The following RBFOX1 variants were observed in gnomAD, a reference collection of about 807,000 sequenced individuals.
The protein encoded by RBFOX1 is RNA binding protein fox-1 homolog 1.
In RBFOX1, 8 loss-of-function variants were observed where a neutral mutation model predicts 57.7. The ratio of observed to expected loss-of-function variants is 0.14; its 90% confidence interval spans 0.08 to 0.25. The LOEUF is 0.25. RBFOX1 is among the 10% of genes least tolerant of loss of function. The pLI, the probability that RBFOX1 is intolerant of heterozygous loss-of-function variation, is 1.00. For missense variants in RBFOX1, 611 were observed against 548.5 expected (o/e 1.11, Z -1.14); for synonymous variants, 326 against 222.4 (o/e 1.47, Z -4.15).
chr16:6,317,794 G>A (rs2081295032), intron 2 of RBFOX1, among the ~76,000 whole-genome samples: 1 of 151,930 alleles, frequency 6.6e-6, no homozygotes, highest in Non-Finnish European at 1.5e-5. Flanking sequence ...TAGTTTTATG[G>A]GTGAACAGCT....
chr16:5,879,279 G>A (rs775486950), intron 4 of RBFOX1, among the ~76,000 whole-genome samples: 18 of 152,204 alleles, frequency 1.2e-4, no homozygotes, highest in Non-Finnish European at 1.5e-5. Flanking sequence ...GGTTTCAGAT[G>A]GTAAGCAGAA....
intron 14 of RBFOX1, among the ~76,000 whole-genome samples, chr16:7,688,056 G>A (rs935991793): frequency 6.6e-6 from 1 of 151,982 alleles, no homozygotes; most frequent in African/African-American, 2.4e-5. Context: ...GGGCAGTCAG[G>A]GCTAAAAACC....
At chr16:6,530,158 G>T (rs1221596290) in intron 2 of RBFOX1, among the ~76,000 whole-genome samples, 2 of 152,164 alleles carry the variant, frequency 1.3e-5, no homozygotes, top group Non-Finnish European at 2.9e-5. Flanking sequence ...ATCTTAGAAT[G>T]AAGAGGGAGG....
intron 3 of RBFOX1, among the ~76,000 whole-genome samples, chr16:7,008,360 G>A (rs1312895736): frequency 6.6e-6 from 1 of 152,012 alleles, no homozygotes; most frequent in Non-Finnish European, 1.5e-5. Context: ...TGGCCAGTAT[G>A]ATGAAACCCT....
At chr16:7,516,023 T>G (rs943801547) in intron 4 of RBFOX1, among the ~76,000 whole-genome samples, 1 of 152,128 alleles carries the variant, frequency 6.6e-6, no homozygotes, top group African/African-American at 2.4e-5. Context: ...TTTTGTATTT[T>G]TAGTAGAGGC....
At chr16:7,001,861 C>G (rs918768929) in intron 3 of RBFOX1, among the ~76,000 whole-genome samples, 46 of 152,150 alleles carry the variant, frequency 3.0e-4, no homozygotes, top group African/African-American at 9.9e-4. Context: ...CAGCACTTGT[C>G]TCAACTTTTC....
chr16:7,212,025 C>T (rs558279564), intron 4 of RBFOX1, among the ~76,000 whole-genome samples: 9 of 152,202 alleles, frequency 5.9e-5, no homozygotes, highest in South Asian at 2.1e-4. Context: ...GGCTGAGTCA[C>T]GGTTTCTGGA....
intron 2 of RBFOX1, among the ~76,000 whole-genome samples, chr16:6,485,563 T>C (rs547980460): frequency 1.3e-5 from 2 of 152,342 alleles, no homozygotes; most frequent in East Asian, 3.9e-4. Context: ...TCAGGAATTC[T>C]CCGCTCACCT....
At position 5,440,919 on chromosome 16, in the gene RBFOX1, G is replaced by T. The variant is rs1275714316; in HGVS notation, c.220-26297G>T. 2.6e-5 allele frequency among the ~76,000 whole-genome samples: 4 copies of T among 152,160 alleles called. No homozygotes were observed. The East Asian group carries it at 7.7e-4, about 29-fold the overall frequency. On this transcript the variant is annotated intron_variant, in intron 1 of 2. Coordinates refer to the RBFOX1 transcript ENST00000585867. ...TGATTTTCGAAAGGTCACGCACCTGGTTAGAACTATGTTTTCCAGACTCAC... is the reference window on the plus strand; with the variant it reads ...TGATTTTCGAAAGGTCACGCACCTGTTTAGAACTATGTTTTCCAGACTCAC...
Position 6,191,818 on chromosome 16 carries a change from G to A in RBFOX1, c.-126-125177G>A, listed in dbSNP as rs1414176529. On this transcript the variant is annotated intron_variant, in intron 1 of 15. Coordinates refer to ENST00000550418, the MANE Select transcript of RBFOX1 (RefSeq NM_018723.4). ...GAGCTTTCCTTGGAATGCAGGTATC[G>A]AGACTTGATTTTCAGAATTTTGCAC... Among the ~76,000 whole-genome samples, 3 of 152,116 alleles carry A rather than the reference G, an allele frequency of 2.0e-5. 1 individual carries two copies. Among genetic ancestry groups the A allele is most frequent in the South Asian group, 4.1e-4 (2 of 4,822 alleles).
chr16:7,635,970 C>G (rs1447530682), intron 11 of RBFOX1, among the ~76,000 whole-genome samples: 1 of 152,132 alleles, frequency 6.6e-6, no homozygotes, highest in African/African-American at 2.4e-5. Context: ...GCCACCATGC[C>G]CGGCTAATTT....
At chr16:6,796,812 C>T (rs1156657025) in intron 3 of RBFOX1, among the ~76,000 whole-genome samples, 1 of 152,190 alleles carries the variant, frequency 6.6e-6, no homozygotes, top group African/African-American at 2.4e-5. Context: ...TAAATATCTA[C>T]ATTGTTTCTT....
At chr16:6,062,898 C>A (rs921537824) in intron 1 of RBFOX1, among the ~76,000 whole-genome samples, 1 of 152,088 alleles carries the variant, frequency 6.6e-6, no homozygotes, top group African/African-American at 2.4e-5. Context: ...TGTAGGCCAG[C>A]TGGCTGGAAA....
At chr16:7,256,645 C>A (rs192362440) in intron 4 of RBFOX1, among the ~76,000 whole-genome samples, 1 of 152,288 alleles carries the variant, frequency 6.6e-6, no homozygotes, top group East Asian at 1.9e-4. Context: ...AAATTTCTTA[C>A]CCTCTTGTAA....
intron 1 of RBFOX1, among the ~76,000 whole-genome samples, chr16:6,141,906 A>T (rs1431997251): frequency 6.6e-6 from 1 of 151,852 alleles, no homozygotes; most frequent in African/African-American, 2.4e-5. Context: ...TAAAAATATA[A>T]AAATTAGCCA....
chr16:7,226,975 G>A (rs563419930), intron 4 of RBFOX1, among the ~76,000 whole-genome samples: 2 of 152,202 alleles, frequency 1.3e-5, no homozygotes, highest in Non-Finnish European at 2.9e-5. Flanking sequence ...TGAATTTCTG[G>A]CTTGTCTTCA....
chr16:6,738,940 T>C (rs2071245662), intron 3 of RBFOX1, among the ~76,000 whole-genome samples: 1 of 152,166 alleles, frequency 6.6e-6, no homozygotes, highest in African/African-American at 2.4e-5. Flanking sequence ...TTGAACTTAA[T>C]GAAAATAAAC....
intron 6 of RBFOX1, among the ~76,000 whole-genome samples, chr16:7,581,790 C>T (rs958932545): frequency 6.6e-6 from 1 of 152,220 alleles, no homozygotes; most frequent in African/African-American, 2.4e-5. Flanking sequence ...GATCACGGCT[C>T]ACTGCAAATT....
intron 4 of RBFOX1, among the ~76,000 whole-genome samples, chr16:7,383,135 G>C (rs1241126046): frequency 6.6e-6 from 1 of 151,994 alleles, no homozygotes; most frequent in Non-Finnish European, 1.5e-5. Flanking sequence ...GTCTTGTTCT[G>C]TGCTTCATTC....
Sources: allele counts gnomAD v4.1 joint callset (sites outside exome capture counted in the v4.1 genomes callset), GRCh38; gene constraint gnomAD v4.1.1; transcripts MANE v1.5; gene names NCBI Gene and HGNC (gene_info 2026-07-23, HGNC 2026-07-21).